ADAM32: variants seen among roughly 807,000 people sequenced by gnomAD.
ADAM32 encodes ADAM metallopeptidase domain 32, also known as disintegrin and metalloproteinase domain-containing protein 32.
ADAM32 carries 89 observed loss-of-function variants against 114.9 expected under a neutral mutation model. The observed-to-expected ratio is 0.77, with a 90% CI of 0.65 to 0.92. ADAM32 has a LOEUF of 0.92. ADAM32 is among the 40% of genes least tolerant of loss of function. The pLI, the probability that ADAM32 is intolerant of heterozygous loss-of-function variation, is 0.00. For synonymous variants in ADAM32, 285 were observed against 307.5 expected, an observed-to-expected ratio of 0.93 and a Z score of 0.77; for missense variants, 870 against 932.8, an observed-to-expected ratio of 0.93 and a Z score of 0.88.
intron 19 of ADAM32, among the ~76,000 whole-genome samples, chr8:39,269,771 G>A (rs1448628962): frequency 1.3e-5 from 2 of 152,132 alleles, no homozygotes; most frequent in Admixed American, 6.5e-5. Flanking sequence ...TGTGTGCTGT[G>A]TTATAGAGAC....
At chr8:39,249,021 G>A (rs1379878078) in intron 17 of ADAM32, among the ~76,000 whole-genome samples, 1 of 151,348 alleles carries the variant, frequency 6.6e-6, no homozygotes, top group East Asian at 1.9e-4. Flanking sequence ...TCCTGCTTCA[G>A]CCTCCCGAGT....
At chr8:39,179,996 T>C (rs1215932647) in intron 10 of ADAM32, among the ~76,000 whole-genome samples, 1 of 152,242 alleles carries the variant, frequency 6.6e-6, no homozygotes, top group Admixed American at 6.5e-5. Context: ...CTCCTCTGCC[T>C]GGGCTCCCAC....
intron 2 of ADAM32, among the ~76,000 whole-genome samples, chr8:39,135,529 A>G (rs991451911): frequency 6.6e-6 from 1 of 152,204 alleles, no homozygotes; most frequent in African/African-American, 2.4e-5. Flanking sequence ...TATTTATTAA[A>G]TACAAGAAAT....
At chr8:39,239,668 T>A (rs1271547726) in intron 16 of ADAM32, among the ~76,000 whole-genome samples, 1 of 152,232 alleles carries the variant, frequency 6.6e-6, no homozygotes, top group Non-Finnish European at 1.5e-5. Flanking sequence ...AGGTATCTGC[T>A]GTCTTTAAAA....
At chr8:39,210,535 G>A (rs941583382) in intron 11 of ADAM32, among the ~76,000 whole-genome samples, 11 of 152,026 alleles carry the variant, frequency 7.2e-5, no homozygotes, top group Non-Finnish European at 1.2e-4. Context: ...ATCTTAAATC[G>A]TCACTTTCAA....
intron 11 of ADAM32, among the ~76,000 whole-genome samples, chr8:39,193,923 G>T (rs956966253): frequency 1.3e-5 from 2 of 152,204 alleles, no homozygotes; most frequent in Admixed American, 1.3e-4. Context: ...AATAGGTGGT[G>T]CCAGCCAAAG....
At chr8:39,217,875 T>C (rs907313940) in intron 12 of ADAM32, among the ~76,000 whole-genome samples, 1 of 152,252 alleles carries the variant, frequency 6.6e-6, no homozygotes, top group Non-Finnish European at 1.5e-5. Context: ...TGATGTCTTA[T>C]TTAGTTCATT....
chr8:39,206,530 A>T (rs1435805306), intron 11 of ADAM32, among the ~76,000 whole-genome samples: 1 of 152,192 alleles, frequency 6.6e-6, no homozygotes, highest in African/African-American at 2.4e-5. Context: ...AGGTAGATGC[A>T]GGTACACAGT....
chr8:39,224,072 AC>A (rs1191162878), intron 14 of ADAM32: 1 of 152,182 alleles, frequency 6.6e-6, no homozygotes, highest in Non-Finnish European at 1.5e-5. Context: ...TATTTTTAAT[AC>A]ATTTATCTGT....
chr8:39,107,854 A>C, intron 1 of ADAM32, 21 bp downstream of exon 1: 1 of 1,522,482 alleles, frequency 6.6e-7, no homozygotes, highest in Non-Finnish European at 8.8e-7. Context: ...CCAGACCCTG[A>C]CACTAGTCCG....
intron 11 of ADAM32, among the ~76,000 whole-genome samples, chr8:39,189,805 CT>C (rs796431473): frequency 6.0e-5 from 9 of 149,450 alleles, no homozygotes; most frequent in Non-Finnish European, 6.0e-5. Context: ...TACTCTATAT[CT>C]TTTTTTTTTG....
At chr8:39,192,077 T>G (rs1214646161) in intron 11 of ADAM32, among the ~76,000 whole-genome samples, 1 of 152,236 alleles carries the variant, frequency 6.6e-6, no homozygotes, top group Non-Finnish European at 1.5e-5. Context: ...TTGTTTTTGG[T>G]CCGTTCAGGG....
Position 39,202,530 on chromosome 8 carries a change from T to G in ADAM32, c.1053-8614T>G, listed in dbSNP as rs541159776. Among the ~76,000 whole-genome samples the G allele has an allele frequency of 3.9e-5, 6 of 152,324 alleles. No individual in the cohort carries two copies. In the East Asian group the frequency reaches 1.2e-3, roughly 29 times the overall value. On this transcript the variant is annotated intron_variant, in intron 11 of 24. Coordinates refer to ENST00000379907, the MANE Select transcript of ADAM32 (RefSeq NM_145004.7). Reference sequence around the variant, plus strand: ...GATTCTTCTCTCTTTTCTTCTTTGTTAGTCTTGCTAGCAGTCTATCAATTT... The same window carrying G: ...GATTCTTCTCTCTTTTCTTCTTTGTGAGTCTTGCTAGCAGTCTATCAATTT...
At chr8:39,133,782 C>T (rs1469655257) in intron 2 of ADAM32, among the ~76,000 whole-genome samples, 4 of 152,130 alleles carry the variant, frequency 2.6e-5, no homozygotes, top group East Asian at 1.9e-4. Flanking sequence ...ATCAGATCCC[C>T]GGATAGTGCA....
At position 39,223,274 on chromosome 8, in the gene ADAM32, C is replaced by T. The variant is rs1809111806; in HGVS notation, c.1525+36C>T. On this transcript the variant is annotated intron_variant, in intron 14 of 24. Transcript: ENST00000379907. ...TTTGTTACATCTCAATAGCCCTTAA[C>T]ATTGTTATTAACATTACCAGGATAA... The T allele has an allele frequency of 2.1e-6, 3 of 1,396,224 alleles. No homozygotes were observed. In the African/African-American group the frequency reaches 4.4e-5, roughly 20 times the overall value. 86.5% of individuals were successfully genotyped at this position (1,396,224 alleles called of 1,614,324 possible).
chr8:39,126,566 A>AAGAATAAGCCTCTC (rs1802128405), intron 2 of ADAM32, among the ~76,000 whole-genome samples: 1 of 152,098 alleles, frequency 6.6e-6, no homozygotes, highest in Non-Finnish European at 1.5e-5. Flanking sequence ...TTAGCCTAAG[A>AAGAATAAGCCTCTC]AGCTTTTGGG....
At chr8:39,280,474 A>G (rs1813353592) in intron 22 of ADAM32, among the ~76,000 whole-genome samples, 1 of 152,224 alleles carries the variant, frequency 6.6e-6, no homozygotes, top group Non-Finnish European at 1.5e-5. Flanking sequence ...ATATTAACAA[A>G]TACAAAACTA....
At chr8:39,251,752 T>A (rs1478622838) in intron 17 of ADAM32, among the ~76,000 whole-genome samples, 2 of 151,884 alleles carry the variant, frequency 1.3e-5, no homozygotes, top group Non-Finnish European at 2.9e-5. Context: ...TTTGCTTATG[T>A]TTCCTGTGCT....
intron 4 of ADAM32, among the ~76,000 whole-genome samples, chr8:39,149,562 A>C (rs946995713): frequency 1.3e-5 from 2 of 152,186 alleles, no homozygotes; most frequent in African/African-American, 4.8e-5. Flanking sequence ...TTTTGGAAGC[A>C]GGGTGTAAAA....
Sources: gnomAD v4.1 joint callset for allele counts (sites outside exome capture counted in the v4.1 genomes callset) on GRCh38, gnomAD v4.1.1 for gene constraint, MANE v1.5 for transcripts, NCBI Gene and HGNC (gene_info 2026-07-23, HGNC 2026-07-21) for gene names.